The following LRRC7 variants were observed in gnomAD, a reference collection of about 807,000 sequenced individuals.
LRRC7 encodes leucine-rich repeat-containing protein 7.
A neutral mutation model predicts 175.7 loss-of-function variants in LRRC7; 23 were observed. That is an observed-to-expected ratio of 0.13 (90% CI 0.09 to 0.19). LRRC7 has a LOEUF of 0.19. Ranked by LOEUF, LRRC7 falls within the 10% of genes least tolerant of loss-of-function variation. LRRC7 has a pLI of 1.00. For missense variants in LRRC7, 1,354 were observed against 1,904.7 expected, an observed-to-expected ratio of 0.71 and a Z score of 5.38; for synonymous variants, 685 against 680.9, an observed-to-expected ratio of 1.01 and a Z score of -0.09.
intron 2 of LRRC7, among the ~76,000 whole-genome samples, chr1:69,727,818 T>A (rs530106510): frequency 2.0e-5 from 3 of 152,290 alleles, no homozygotes; most frequent in African/African-American, 7.2e-5. Context: ...AACTACGAAA[T>A]CTTACCATAA....
intron 7 of LRRC7, among the ~76,000 whole-genome samples, chr1:69,871,675 A>C (rs1487164241): frequency 1.3e-5 from 2 of 152,042 alleles, no homozygotes; most frequent in Non-Finnish European, 2.9e-5. Context: ...AAATGGCTAT[A>C]TCAATCTGTA....
intron 1 of LRRC7, among the ~76,000 whole-genome samples, chr1:69,586,769 T>C (rs1413567138): frequency 6.6e-6 from 1 of 152,220 alleles, no homozygotes; most frequent in Non-Finnish European, 1.5e-5. Flanking sequence ...TTTTGAGTGT[T>C]ATTTAAGGCT....
intron 25 of LRRC7, 65 bp from the exon 26 acceptor site, chr1:70,107,687 G>T (rs1665239914): frequency 8.4e-7 from 1 of 1,188,164 alleles, no homozygotes; most frequent in African/African-American, 1.5e-5. Flanking sequence ...TGTGAATGAA[G>T]ATTTGTTTAA....
chr1:69,611,222 T>C (rs560037822), intron 1 of LRRC7, among the ~76,000 whole-genome samples: 1 of 152,182 alleles, frequency 6.6e-6, no homozygotes, highest in South Asian at 2.1e-4. Flanking sequence ...TATCTTTTTT[T>C]CATATATCGT....
intron 25 of LRRC7, among the ~76,000 whole-genome samples, chr1:70,102,949 C>T (rs912430254): frequency 6.6e-6 from 1 of 152,124 alleles, no homozygotes; most frequent in African/African-American, 2.4e-5. Context: ...ACATCCTAGG[C>T]TGGACACAGT....
rs538520259 is a variant in LRRC7, at chr1:69,769,983, G to A, written c.303+9590G>A. 1.1e-3 allele frequency among the ~76,000 whole-genome samples: 169 copies of A among 152,170 alleles called. 3 individuals carry two copies. In the South Asian group the frequency reaches 0.032, roughly 28 times the overall value. On this transcript the variant is annotated intron_variant, in intron 3 of 26. Coordinates refer to ENST00000651989, the MANE Select transcript of LRRC7 (RefSeq NM_001370785.2). Reference sequence around the variant, plus strand: ...CTCATAGAACTAATAGGGGCCTAAAGAACTTTACATGGAAAAAGGACAGGA... The same window carrying A: ...CTCATAGAACTAATAGGGGCCTAAAAAACTTTACATGGAAAAAGGACAGGA...
chr1:69,738,380 A>C (rs1668350876), intron 2 of LRRC7, among the ~76,000 whole-genome samples: 1 of 152,026 alleles, frequency 6.6e-6, no homozygotes. Flanking sequence ...ACTGATCTAC[A>C]ACTAAGTATT....
intron 7 of LRRC7, among the ~76,000 whole-genome samples, chr1:69,930,032 C>T (rs1453032432): frequency 6.6e-6 from 1 of 151,482 alleles, no homozygotes; most frequent in Non-Finnish European, 1.5e-5. Flanking sequence ...TGAGGCCTTA[C>T]CTGATCACCC....
intron 5 of LRRC7, among the ~76,000 whole-genome samples, chr1:69,829,531 C>T (rs1304452307): frequency 6.6e-6 from 1 of 151,688 alleles, no homozygotes; most frequent in African/African-American, 2.4e-5. Context: ...CTAGAGTAAC[C>T]CTACTGATCT....
chr1:69,711,511 A>G (rs1370356732), intron 2 of LRRC7, among the ~76,000 whole-genome samples: 2 of 152,194 alleles, frequency 1.3e-5, no homozygotes, highest in Non-Finnish European at 2.9e-5. Flanking sequence ...TTGAAAACCT[A>G]AATCTAGAAC....
chr1:69,931,491 T>C lies in LRRC7; in HGVS notation c.648-16T>C, dbSNP rs768148792. ...ATGCACTACCTCACAATAGTATTTT[T>C]CTCCATCTGTTGTAGGTCAATGCAC... On this transcript the variant is annotated splice_polypyrimidine_tract_variant and intron_variant, in intron 7 of 26. Coordinates refer to ENST00000651989, the MANE Select transcript of LRRC7 (RefSeq NM_001370785.2). 2.9e-5 allele frequency: 46 copies of C among 1,607,950 alleles called. No individual in the cohort carries two copies. Among genetic ancestry groups the C allele is most frequent in the Non-Finnish European group, 3.5e-5 (41 of 1,174,968 alleles).
chr1:69,816,875 G>A (rs993160745), intron 4 of LRRC7, among the ~76,000 whole-genome samples: 19 of 151,812 alleles, frequency 1.3e-4, no homozygotes, highest in Admixed American at 6.6e-5. Context: ...TAGATTCCCC[G>A]TATAAGTGAT....
chr1:70,027,027 G>A (rs1255800107), intron 17 of LRRC7, among the ~76,000 whole-genome samples: 3 of 151,874 alleles, frequency 2.0e-5, no homozygotes, highest in Non-Finnish European at 4.4e-5. Flanking sequence ...GTGCGGATGT[G>A]CCCCTCACTC....
chr1:69,568,868 T>A (rs1373451155), intron 1 of LRRC7, among the ~76,000 whole-genome samples: 1 of 152,144 alleles, frequency 6.6e-6, no homozygotes, highest in East Asian at 1.9e-4. Flanking sequence ...GGCGGGTGCA[T>A]GGGAGCACCG....
intron 8 of LRRC7, among the ~76,000 whole-genome samples, chr1:69,948,414 C>A (rs2101815878): frequency 6.6e-6 from 1 of 152,240 alleles, no homozygotes; most frequent in African/African-American, 2.4e-5. Context: ...ACTCCCTCAG[C>A]TGAACCACTC....
chr1:70,064,403 G>A (rs1661808492), intron 23 of LRRC7, among the ~76,000 whole-genome samples: 1 of 151,800 alleles, frequency 6.6e-6, no homozygotes, highest in South Asian at 2.1e-4. Context: ...AACTTTATGG[G>A]ACCAGGAGTT....
chr1:69,603,430 G>A (rs1325513763), intron 1 of LRRC7, among the ~76,000 whole-genome samples: 3 of 152,138 alleles, frequency 2.0e-5, no homozygotes, highest in Admixed American at 1.3e-4. Flanking sequence ...AACAGTTTAA[G>A]TATGAAGTAT....
chr1:69,616,784 G>A (rs1463976145), intron 1 of LRRC7, among the ~76,000 whole-genome samples: 3 of 151,968 alleles, frequency 2.0e-5, no homozygotes, highest in African/African-American at 7.2e-5. Context: ...ACAGGAGAAG[G>A]GCATATTCAA....
intron 2 of LRRC7, among the ~76,000 whole-genome samples, chr1:69,686,105 AT>A (rs1351818894): frequency 6.6e-6 from 1 of 152,178 alleles, no homozygotes; most frequent in Non-Finnish European, 1.5e-5. Flanking sequence ...GACATACAAG[AT>A]TTTCAAGTAT....
Sources: gnomAD v4.1 joint callset for allele counts (sites outside exome capture counted in the v4.1 genomes callset) on GRCh38, gnomAD v4.1.1 for gene constraint, MANE v1.5 for transcripts, NCBI Gene and HGNC (gene_info 2026-07-23, HGNC 2026-07-21) for gene names.